ELAVL3: variants seen among roughly 807,000 people sequenced by gnomAD.
The protein encoded by ELAVL3 is ELAV-like protein 3.
ELAVL3 carries 8 observed loss-of-function variants against 34.2 expected under a neutral mutation model. That is an observed-to-expected ratio of 0.23 (90% CI 0.14 to 0.42). The LOEUF (loss-of-function observed/expected upper bound fraction) is 0.42, where lower values mean the gene tolerates loss of function less well. ELAVL3 is among the 10% of genes least tolerant of loss of function. The pLI is 1.00. For missense variants in ELAVL3, 273 were observed against 518.8 expected (o/e 0.53, Z 4.60); for synonymous variants, 209 against 222.1 (o/e 0.94, Z 0.53).
Position 11,466,491 on chromosome 19 carries a change from C to A in ELAVL3, c.229+117G>T. On this transcript the variant is annotated intron_variant, in intron 2 of 6. Transcript: ENST00000359227. This position sits in a 1 kb window ranked among gnomAD's most constrained non-coding sequence, Gnocchi z 5.0. ...CCCCATCAGACCTCACATCCCTAGA[C>A]CACCTCCTGCCTCGATTACCCCCGA... 8.0e-7 allele frequency: 1 copy of A among 1,249,918 alleles called. No homozygotes were observed. Among genetic ancestry groups the A allele is most frequent in the Non-Finnish European group, 1.1e-6 (1 of 877,786 alleles). 77.4% of individuals were successfully genotyped at this position (1,249,918 alleles called of 1,614,324 possible). A position where few individuals can be genotyped will look rare whatever the true frequency, so the allele number is the denominator to read the frequency against.
At chr19:11,479,584 C>A (rs1370403148) in intron 1 of ELAVL3, among the ~76,000 whole-genome samples, 1 of 151,644 alleles carries the variant, frequency 6.6e-6, no homozygotes. Context: ...GCCCCGCCCC[C>A]GGGATACGCC....
At chr19:11,468,385 CAGTGTG>C (rs1341751473) in intron 1 of ELAVL3, among the ~76,000 whole-genome samples, 1 of 151,052 alleles carries the variant, frequency 6.6e-6, no homozygotes, top group Non-Finnish European at 1.5e-5. Flanking sequence ...TCAGGGGCTA[CAGTGTG>C]ATAGTGGCTT....
chr19:11,480,474 A>AC lies in ELAVL3; in HGVS notation c.9+125dup, dbSNP rs550237818. 271 of 752,308 alleles carry AC rather than the reference A, an allele frequency of 3.6e-4. No homozygotes were observed. The highest frequency in any genetic ancestry group is 1.9e-3 in the South Asian group (61 of 32,874). 46.6% of individuals were successfully genotyped at this position (752,308 alleles called of 1,614,324 possible). A position where few individuals can be genotyped will look rare whatever the true frequency, so the allele number is the denominator to read the frequency against. On this transcript the variant is annotated intron_variant, in intron 1 of 6. Coordinates refer to ENST00000359227, the MANE Select transcript of ELAVL3 (RefSeq NM_001420.4). The surrounding 1 kb of genome is among the most constrained non-coding windows in gnomAD (Gnocchi z 6.8). ...CTCTCAGGCCCCGAGGCTTGGTCCT[A>AC]CCCCCCCAACCCGGGCCTAGCTAGG...
At chr19:11,471,373 G>A (rs569769699) in intron 1 of ELAVL3, among the ~76,000 whole-genome samples, 93 of 150,842 alleles carry the variant, frequency 6.2e-4, no homozygotes, top group African/African-American at 2.3e-3. Context: ...CCAGCACTTT[G>A]GGAGGCCGAG....
chr19:11,474,496 C>T (rs1971227499), intron 1 of ELAVL3, among the ~76,000 whole-genome samples: 1 of 152,062 alleles, frequency 6.6e-6, no homozygotes, highest in African/African-American at 2.4e-5. Context: ...ACTAGGGAGG[C>T]TGAGGCAGAA....
chr19:11,454,576 C>T lies in ELAVL3; in HGVS notation c.1054G>A (p.Glu352Lys), dbSNP rs145408161. 4.3e-6 allele frequency: 7 copies of T among 1,614,072 alleles called. No individual in the cohort carries two copies. Among genetic ancestry groups the T allele is most frequent in the African/African-American group, 1.3e-5 (1 of 75,068 alleles). ...TTGAAGGAGACCTGCAGCACGCGCTCGCCCAGGCGATAGCCGTTCAGGCTG... is the reference window on the plus strand; with the variant it reads ...TTGAAGGAGACCTGCAGCACGCGCTTGCCCAGGCGATAGCCGTTCAGGCTG... ...IASLNGYRLG[E>K]RVLQVSFKTS... The change falls in exon 7 of 7, where the codon GAG becomes AAG. Residue 352 changes from glutamate to lysine, a missense_variant. Physicochemically the swap from Glu to Lys is moderately conservative, Grantham distance 56. Around this residue, in one of 4 missense-constraint regions of ELAVL3, gnomAD observed 52 missense variants for 119.6 expected, o/e 0.43. Coordinates refer to ENST00000359227, the MANE Select transcript of ELAVL3 (RefSeq NM_001420.4). This position sits in a 1 kb window ranked among gnomAD's most constrained non-coding sequence, Gnocchi z 9.2.
chr19:11,479,120 TGA>T (rs1426152623), intron 1 of ELAVL3, among the ~76,000 whole-genome samples: 2 of 152,106 alleles, frequency 1.3e-5, no homozygotes, highest in African/African-American at 4.8e-5. Flanking sequence ...CTTTTTCAAA[TGA>T]GAGAACCGAT....
chr19:11,476,195 G>T (rs1041874066), intron 1 of ELAVL3, among the ~76,000 whole-genome samples: 4 of 152,160 alleles, frequency 2.6e-5, no homozygotes, highest in Non-Finnish European at 5.9e-5. Flanking sequence ...AATTCCTCAT[G>T]TGAAACTTCC....
At chr19:11,467,830 C>T (rs1971086694) in intron 1 of ELAVL3, among the ~76,000 whole-genome samples, 1 of 151,966 alleles carries the variant, frequency 6.6e-6, no homozygotes, top group Non-Finnish European at 1.5e-5. Context: ...CGCTCTGTCA[C>T]CCAGGCTGGA....
Position 11,460,148 on chromosome 19 carries a change from T to C in ELAVL3, c.334-1537A>G, listed in dbSNP as rs138778062. ...GCAACTCTGTCCTCCTAAGTGCTCA[T>C]GTCCCCAGGTTCAGGTTGTTCTCGA... On this transcript the variant is annotated intron_variant, in intron 3 of 6. Coordinates refer to ENST00000359227, the MANE Select transcript of ELAVL3 (RefSeq NM_001420.4). 7.0e-3 allele frequency among the ~76,000 whole-genome samples: 1,073 copies of C among 152,244 alleles called. 9 individuals carry two copies. Among genetic ancestry groups the C allele is most frequent in the African/African-American group, 0.024 (1,011 of 41,528 alleles).
chr19:11,457,997 T>C, intron 5 of ELAVL3, 64 bp downstream of exon 5: 1 of 1,532,234 alleles, frequency 6.5e-7, no homozygotes, highest in Non-Finnish European at 8.9e-7. Flanking sequence ...AGGAATGGGG[T>C]TCAGGGAGGG....
In ELAVL3 at chr19:11,466,083, A is replaced by G; in HGVS notation, c.333+89T>C. ...GAGTCCTGAAAGGCAGTGGACATGG[A>G]TGCATGGGGGCGGGTAGGTGGCAGT... On this transcript the variant is annotated intron_variant, in intron 3 of 6. Transcript: ENST00000359227. This position sits in a 1 kb window ranked among gnomAD's most constrained non-coding sequence, Gnocchi z 5.0. 2 of 1,145,746 alleles carry G rather than the reference A, an allele frequency of 1.7e-6. No homozygotes were observed. The highest frequency in any genetic ancestry group is 2.6e-6 in the Non-Finnish European group (2 of 776,344). The allele number at this position is 1,145,746 out of a possible 1,614,324, so 71.0% of individuals were successfully genotyped here. A position where few individuals can be genotyped will look rare whatever the true frequency, so the allele number is the denominator to read the frequency against.
Position 11,480,640 on chromosome 19 carries a change from G to GA in ELAVL3, c.-33dup. 1 of 1,428,412 alleles carries GA rather than the reference G, an allele frequency of 7.0e-7. No individual in the cohort carries two copies. Among genetic ancestry groups the GA allele is most frequent in the Non-Finnish European group, 9.2e-7 (1 of 1,085,020 alleles). 88.5% of individuals were successfully genotyped at this position (1,428,412 alleles called of 1,614,324 possible). Reference sequence around the variant, plus strand: ...GTGCCCGGCGGGCGCGGTCCGTGTTGAGGGGGGCTCCGGGGGTGGTGCACT... The same window carrying GA: ...GTGCCCGGCGGGCGCGGTCCGTGTTGAAGGGGGGCTCCGGGGGTGGTGCACT... On this transcript the variant is annotated 5_prime_UTR_variant, in exon 1 of 7. Coordinates refer to ENST00000359227, the MANE Select transcript of ELAVL3 (RefSeq NM_001420.4). The surrounding 1 kb of genome is among the most constrained non-coding windows in gnomAD (Gnocchi z 6.8).
chr19:11,453,483 G>C lies in ELAVL3; in HGVS notation c.*1043C>G, dbSNP rs1970698976. The C allele has an allele frequency of 6.5e-6, 1 of 152,758 alleles. No homozygotes were observed. Among genetic ancestry groups the C allele is most frequent in the African/African-American group, 2.4e-5 (1 of 41,448 alleles). The allele number at this position is 152,758 out of a possible 1,614,324, so 9.5% of individuals were successfully genotyped here. A position where few individuals can be genotyped will look rare whatever the true frequency, so the allele number is the denominator to read the frequency against. ...GGTGTTTGTGTTTCTCCGTGACCTG[G>C]TGTCCAAATTTGATGTCCAAATATC... is the stretch of plus-strand genomic sequence containing the variant. On this transcript the variant is annotated 3_prime_UTR_variant, in exon 7 of 7. Transcript: ENST00000359227.
rs1170215691 is a variant in ELAVL3 at position 11,451,463 on chromosome 19, GTTTTTT to G, written c.*3057_*3062del. The G allele has an allele frequency of 1.1e-5, 1 of 94,394 alleles. No individual in the cohort carries two copies. Among genetic ancestry groups the G allele is most frequent in the Non-Finnish European group, 2.4e-5 (1 of 42,480 alleles). 5.8% of individuals were successfully genotyped at this position (94,394 alleles called of 1,614,324 possible). ...ACGCAACGCGAAGTGTTCTTGTTGG[GTTTTTT>G]TTTTTTTTTTGTCTTTTGTTTTGTC... On this transcript the variant is annotated 3_prime_UTR_variant, in exon 7 of 7. Coordinates refer to ENST00000359227, the MANE Select transcript of ELAVL3 (RefSeq NM_001420.4).
Position 11,466,554 on chromosome 19 carries a change from C to T in ELAVL3, c.229+54G>A. ...AGGGTCCCACCTGCCCCCATCACCT[C>T]TGTATTTCTGAGGCTACCACCTCTG... On this transcript the variant is annotated intron_variant, in intron 2 of 6. Transcript: ENST00000359227. This position sits in a 1 kb window ranked among gnomAD's most constrained non-coding sequence, Gnocchi z 5.0. 6.3e-7 allele frequency: 1 copy of T among 1,596,632 alleles called. No individual in the cohort carries two copies. The highest frequency in any genetic ancestry group is 1.1e-5 in the South Asian group (1 of 90,244).
intron 3 of ELAVL3, among the ~76,000 whole-genome samples, chr19:11,461,002 A>G (rs1392307318): frequency 9.0e-6 from 1 of 111,104 alleles, no homozygotes; most frequent in Admixed American, 9.0e-5. Flanking sequence ...CACCGCCACA[A>G]CCTCTACAAA....
intron 1 of ELAVL3, among the ~76,000 whole-genome samples, chr19:11,468,038 C>T (rs1971091502): frequency 6.6e-6 from 1 of 152,234 alleles, no homozygotes; most frequent in Non-Finnish European, 1.5e-5. Flanking sequence ...GATCCTCCCA[C>T]TTTGGCCTCC....
At chr19:11,464,167 A>ATATATATT (rs1319720810) in intron 3 of ELAVL3, among the ~76,000 whole-genome samples, 13 of 103,844 alleles carry the variant, frequency 1.3e-4, no homozygotes, top group South Asian at 3.1e-4. Flanking sequence ...ATATATATAT[A>ATATATATT]TTTTTTTTTT....
Sources: allele counts gnomAD v4.1 joint callset (sites outside exome capture counted in the v4.1 genomes callset), GRCh38; gene constraint gnomAD v4.1.1; regional missense constraint gnomAD v4.1.1; non-coding constraint Gnocchi (gnomAD v3.1); transcripts MANE v1.5; gene names NCBI Gene and HGNC (gene_info 2026-07-23, HGNC 2026-07-21).